The following PTPRT variants were observed in gnomAD, a reference collection of about 807,000 sequenced individuals.
PTPRT encodes receptor-type tyrosine-protein phosphatase T.
Under a neutral mutation model 176.8 loss-of-function variants are expected in PTPRT, and 56 were observed. That is an observed-to-expected ratio of 0.32 (90% CI 0.26 to 0.40). The LOEUF (loss-of-function observed/expected upper bound fraction) is 0.40, where lower values mean the gene tolerates loss of function less well. Ranked by LOEUF, PTPRT falls within the 10% of genes least tolerant of loss-of-function variation. The probability of loss-of-function intolerance (pLI) is 1.00; values close to 1 mark genes in which losing one functional copy is unlikely to be tolerated. For synonymous variants in PTPRT, 783 were observed against 739.0 expected, an observed-to-expected ratio of 1.06 and a Z score of -0.96; for missense variants, 1,540 against 1,908.2, an observed-to-expected ratio of 0.81 and a Z score of 3.60.
At chr20:42,175,546 G>C (rs1247309295) in intron 16 of PTPRT, among the ~76,000 whole-genome samples, 3 of 152,154 alleles carry the variant, frequency 2.0e-5, no homozygotes, top group African/African-American at 7.2e-5. Flanking sequence ...GGATGGCTGG[G>C]AATGGGCATG....
At chr20:42,269,614 C>T (rs1354842414) in intron 13 of PTPRT, among the ~76,000 whole-genome samples, 1 of 152,206 alleles carries the variant, frequency 6.6e-6, no homozygotes, top group Non-Finnish European at 1.5e-5. Flanking sequence ...ATGAACTCCA[C>T]CTATGGTACA....
intron 3 of PTPRT, among the ~76,000 whole-genome samples, chr20:42,784,300 G>C (rs1164696144): frequency 2.0e-5 from 3 of 152,190 alleles, no homozygotes; most frequent in Non-Finnish European, 4.4e-5. Flanking sequence ...ATCTTTTATA[G>C]TTCTTGAGCA....
intron 13 of PTPRT, among the ~76,000 whole-genome samples, chr20:42,253,122 G>A (rs114641171): frequency 1.4e-3 from 212 of 152,312 alleles, no homozygotes; most frequent in African/African-American, 4.9e-3. Context: ...TCCCATATCT[G>A]AGGGATGGAC....
At chr20:43,143,445 A>G (rs1343203268) in intron 1 of PTPRT, among the ~76,000 whole-genome samples, 1 of 152,206 alleles carries the variant, frequency 6.6e-6, no homozygotes, top group East Asian at 1.9e-4. Context: ...TTCAACAAAA[A>G]CTTACCAAGT....
chr20:42,098,119 A>C (rs938497422), intron 27 of PTPRT, among the ~76,000 whole-genome samples: 1 of 152,126 alleles, frequency 6.6e-6, no homozygotes, highest in African/African-American at 2.4e-5. Context: ...GCTCTGCAAG[A>C]TCTGTGTGAT....
At chr20:42,453,134 T>C (rs1477177630) in intron 8 of PTPRT, among the ~76,000 whole-genome samples, 2 of 152,202 alleles carry the variant, frequency 1.3e-5, no homozygotes, top group Admixed American at 1.3e-4. Context: ...CAAAGCTTTT[T>C]GAGGTATCAC....
intron 12 of PTPRT, among the ~76,000 whole-genome samples, chr20:42,294,587 T>C (rs1268493123): frequency 6.6e-6 from 1 of 151,984 alleles, no homozygotes; most frequent in East Asian, 1.9e-4. Flanking sequence ...ACTTTAAATC[T>C]AAAAAATTTT....
chr20:42,499,114 A>G lies in PTPRT; in HGVS notation c.1154-26552T>C, dbSNP rs375900665. On this transcript the variant is annotated intron_variant, in intron 7 of 30. Coordinates refer to ENST00000373187, the MANE Select transcript of PTPRT (RefSeq NM_007050.6). ...GGCATTTTAAGGAGATACTCATGACATTTGAACTCACAGCAATAGCAACAG... is the reference window on the plus strand; with the variant it reads ...GGCATTTTAAGGAGATACTCATGACGTTTGAACTCACAGCAATAGCAACAG... Among the ~76,000 whole-genome samples the G allele has an allele frequency of 1.1e-4, 16 of 152,198 alleles. No homozygotes were observed. In the East Asian group the frequency reaches 1.6e-3, roughly 15 times the overall value.
intron 6 of PTPRT, among the ~76,000 whole-genome samples, chr20:42,728,564 A>T (rs528737375): frequency 1.1e-4 from 17 of 152,300 alleles, no homozygotes; most frequent in Admixed American, 2.0e-4. Flanking sequence ...CCTCTAGTTC[A>T]TTCCACCAAG....
At chr20:42,334,795 G>T (rs1480898975) in intron 11 of PTPRT, among the ~76,000 whole-genome samples, 1 of 152,192 alleles carries the variant, frequency 6.6e-6, no homozygotes, top group Non-Finnish European at 1.5e-5. Flanking sequence ...GCATTTATAA[G>T]AACTGAATAC....
At chr20:42,951,394 TG>T (rs905172703) in intron 1 of PTPRT, among the ~76,000 whole-genome samples, 5 of 143,286 alleles carry the variant, frequency 3.5e-5, no homozygotes, top group South Asian at 2.4e-4. Flanking sequence ...AATAAATAGA[TG>T]GGGGGGTGGG....
intron 1 of PTPRT, among the ~76,000 whole-genome samples, chr20:43,184,746 C>T (rs1024217308): frequency 2.0e-5 from 3 of 151,950 alleles, no homozygotes; most frequent in East Asian, 3.9e-4. Flanking sequence ...TTCCCTGTCC[C>T]GCTGTATTGA....
chr20:42,181,844 T>C (rs1332209344), intron 16 of PTPRT, among the ~76,000 whole-genome samples: 1 of 151,924 alleles, frequency 6.6e-6, no homozygotes, highest in Non-Finnish European at 1.5e-5. Flanking sequence ...TGAATAAACA[T>C]TTGCATACAA....
chr20:43,012,208 T>C (rs960462067), intron 1 of PTPRT, among the ~76,000 whole-genome samples: 3 of 152,224 alleles, frequency 2.0e-5, no homozygotes, highest in Admixed American at 2.0e-4. Context: ...TAGCGAACCC[T>C]GACTAATACA....
In PTPRT at chr20:42,098,414, C is replaced by A; in HGVS notation, c.3846+7G>T. ...CCCACCTAGGGCTTGGCTTGGCCTC[C>A]TCCTACCTGGGCAGTGTCCATCTCA... On this transcript the variant is annotated splice_region_variant and intron_variant, in intron 27 of 30. Transcript: ENST00000373187. 6.2e-7 allele frequency: 1 copy of A among 1,613,976 alleles called. No individual in the cohort carries two copies. Among genetic ancestry groups the A allele is most frequent in the Non-Finnish European group, 8.5e-7 (1 of 1,179,976 alleles).
intron 9 of PTPRT, among the ~76,000 whole-genome samples, chr20:42,410,119 C>G (rs1362376645): frequency 6.6e-6 from 1 of 151,806 alleles, no homozygotes; most frequent in Non-Finnish European, 1.5e-5. Flanking sequence ...TTCATTGTTT[C>G]ATTACATATA....
At chr20:42,299,943 G>C (rs531579544) in intron 12 of PTPRT, among the ~76,000 whole-genome samples, 2 of 149,216 alleles carry the variant, frequency 1.3e-5, no homozygotes, top group African/African-American at 4.9e-5. Flanking sequence ...CACCGCACCC[G>C]GCCACTTTTG....
intron 5 of PTPRT, among the ~76,000 whole-genome samples, chr20:42,765,399 G>C (rs1010457422): frequency 1.3e-5 from 2 of 152,104 alleles, no homozygotes; most frequent in African/African-American, 4.8e-5. Flanking sequence ...GGTGATGATG[G>C]GGGTGTGGGA....
chr20:42,174,954 C>T (rs1990228386), intron 16 of PTPRT, among the ~76,000 whole-genome samples: 1 of 152,142 alleles, frequency 6.6e-6, no homozygotes, highest in South Asian at 2.1e-4. Flanking sequence ...AGAAGTTCAA[C>T]ACATCAGAGG....
Sources: allele counts gnomAD v4.1 joint callset (sites outside exome capture counted in the v4.1 genomes callset), GRCh38; gene constraint gnomAD v4.1.1; transcripts MANE v1.5; gene names NCBI Gene and HGNC (gene_info 2026-07-23, HGNC 2026-07-21).